Variants in ARHGEF7 observed in about 807,000 individuals in gnomAD.
ARHGEF7 encodes the protein PAK-interacting exchange factor beta.
ARHGEF7 carries 33 observed loss-of-function variants against 109.8 expected under a neutral mutation model. That is an observed-to-expected ratio of 0.30 (90% CI 0.23 to 0.40). ARHGEF7 has a LOEUF of 0.40. ARHGEF7 is among the 10% of genes least tolerant of loss of function. The probability of loss-of-function intolerance (pLI) is 1.00; values close to 1 mark genes in which losing one functional copy is unlikely to be tolerated. For missense variants in ARHGEF7, 938 were observed against 1,098.5 expected (o/e 0.85, Z 2.07); for synonymous variants, 458 against 424.6 (o/e 1.08, Z -0.97).
intron 2 of ARHGEF7, among the ~76,000 whole-genome samples, chr13:111,160,558 G>A (rs1399243972): frequency 6.6e-6 from 1 of 152,096 alleles, no homozygotes; most frequent in African/African-American, 2.4e-5. Context: ...AGAGACCTAG[G>A]GAGAGACCCA....
intron 1 of ARHGEF7, among the ~76,000 whole-genome samples, chr13:111,139,974 A>T (rs1026827831): frequency 6.6e-6 from 1 of 152,240 alleles, no homozygotes; most frequent in African/African-American, 2.4e-5. Context: ...TACAGTGATC[A>T]TATTTCCAGG....
At chr13:111,150,167 T>G (rs112610947) in intron 1 of ARHGEF7, among the ~76,000 whole-genome samples, 54 of 152,386 alleles carry the variant, frequency 3.5e-4, no homozygotes, top group African/African-American at 1.2e-3. Context: ...CCTGGCTTTT[T>G]GCCTCAAATC....
intron 1 of ARHGEF7, among the ~76,000 whole-genome samples, chr13:111,142,472 G>A (rs1406268562): frequency 2.2e-5 from 1 of 45,994 alleles, no homozygotes; most frequent in African/African-American, 8.2e-5. Context: ...TGGCCCTATT[G>A]ATTTCAGCCC....
intron 8 of ARHGEF7, among the ~76,000 whole-genome samples, chr13:111,252,948 C>T (rs1285480938): frequency 6.6e-6 from 1 of 152,272 alleles, no homozygotes; most frequent in Non-Finnish European, 1.5e-5. Context: ...CTTCTCACCC[C>T]ACCCTCTGCT....
rs141053985 is a variant in ARHGEF7, at chr13:111,196,897, C to T, written c.253-8392C>T. ...ATAGTATTGTAATTTATACTTCCCT[C>T]AGGTGGCCATTTTTACCCATCAGAG... On this transcript the variant is annotated intron_variant, in intron 2 of 21. Transcript: ENST00000646102. Among the ~76,000 whole-genome samples, 600 of 152,270 alleles carry T rather than the reference C, an allele frequency of 3.9e-3. 1 individual carries two copies. Among genetic ancestry groups the T allele is most frequent in the African/African-American group, 0.014 (570 of 41,544 alleles).
At chr13:111,293,081 G>A (rs529315195) in intron 19 of ARHGEF7, 1 of 985,434 alleles carries the variant, frequency 1.0e-6, no homozygotes, top group African/African-American at 1.7e-5. Flanking sequence ...AGTGATTTCT[G>A]TTATAAGGCA....
chr13:111,279,003 C>T (rs1380332845), intron 13 of ARHGEF7, among the ~76,000 whole-genome samples: 1 of 152,266 alleles, frequency 6.6e-6, no homozygotes, highest in South Asian at 2.1e-4. Context: ...CATTGGTATC[C>T]GTTTCTACCA....
intron 2 of ARHGEF7, among the ~76,000 whole-genome samples, chr13:111,179,543 T>C (rs1166689058): frequency 6.6e-6 from 1 of 152,244 alleles, no homozygotes; most frequent in Admixed American, 6.5e-5. Context: ...TAACGTTGTG[T>C]TGCCGTATGC....
intron 16 of ARHGEF7, among the ~76,000 whole-genome samples, chr13:111,285,857 C>T (rs1003281074): frequency 6.6e-6 from 1 of 151,986 alleles, no homozygotes; most frequent in East Asian, 1.9e-4. Context: ...CAGCCTGCCT[C>T]CTGGTGACAC....
intron 8 of ARHGEF7, among the ~76,000 whole-genome samples, chr13:111,254,065 G>GT (rs760961166): frequency 1.1e-4 from 17 of 152,202 alleles, no homozygotes; most frequent in Non-Finnish European, 2.1e-4. Flanking sequence ...TTGAACCATT[G>GT]TGGTGCTGGT....
At position 111,304,941 on chromosome 13, in the gene ARHGEF7, T is replaced by C. The variant is rs1028699679; in HGVS notation, c.*1828T>C. The C allele has an allele frequency of 2.0e-5, 3 of 152,266 alleles. No individual in the cohort carries two copies. Among genetic ancestry groups the C allele is most frequent in the African/African-American group, 7.2e-5 (3 of 41,460 alleles). 9.4% of individuals were successfully genotyped at this position (152,266 alleles called of 1,614,324 possible). ...TGGGAAACCATTCAACTTGAGTTTATTGGAGTTTGCTGTTGTAGCAGGTTT... is the reference window on the plus strand; with the variant it reads ...TGGGAAACCATTCAACTTGAGTTTACTGGAGTTTGCTGTTGTAGCAGGTTT... On this transcript the variant is annotated 3_prime_UTR_variant, in exon 22 of 22. Coordinates refer to ENST00000646102, the MANE Select transcript of ARHGEF7 (RefSeq NM_001354046.2).
At chr13:111,225,171 C>A (rs769850541) in intron 5 of ARHGEF7, among the ~76,000 whole-genome samples, 1 of 152,176 alleles carries the variant, frequency 6.6e-6, no homozygotes, top group Admixed American at 6.5e-5. Context: ...TTCAGGAGCA[C>A]GTCCCATAGA....
In ARHGEF7 at chr13:111,258,425, T is replaced by C. The variant is rs149729384; in HGVS notation, c.951-9123T>C. On this transcript the variant is annotated intron_variant, in intron 8 of 21. Coordinates refer to ENST00000646102, the MANE Select transcript of ARHGEF7 (RefSeq NM_001354046.2). This position sits in a 1 kb window ranked among gnomAD's most constrained non-coding sequence, Gnocchi z 4.4. ...GGATACCAGCTCAGCCACAGCAGGATAGAGCATCAGGCAGAACCCTGAGGC... is the reference window on the plus strand; with the variant it reads ...GGATACCAGCTCAGCCACAGCAGGACAGAGCATCAGGCAGAACCCTGAGGC... 6.1e-4 allele frequency among the ~76,000 whole-genome samples: 93 copies of C among 152,350 alleles called. No individual in the cohort carries two copies. The highest frequency in any genetic ancestry group is 5.2e-3 in the East Asian group (27 of 5,176).
chr13:111,299,443 C>T (rs1381120515), intron 19 of ARHGEF7, among the ~76,000 whole-genome samples: 2 of 149,810 alleles, frequency 1.3e-5, no homozygotes, highest in Non-Finnish European at 3.0e-5. Flanking sequence ...CCAGGCTTCA[C>T]ACCATTCTCC....
intron 19 of ARHGEF7, 89 bp from the exon 20 acceptor site, chr13:111,300,659 T>A (rs1199054064): frequency 1.2e-6 from 1 of 864,550 alleles, no homozygotes; most frequent in Non-Finnish European, 1.8e-6. Context: ...GAACTTAATA[T>A]TTAAGTGACA....
chr13:111,153,580 G>C (rs1411527116), intron 1 of ARHGEF7: 2 of 1,082,820 alleles, frequency 1.8e-6, no homozygotes, highest in Admixed American at 5.6e-5. Context: ...GCGTCCGCGG[G>C]GGCGAACACC....
intron 8 of ARHGEF7, among the ~76,000 whole-genome samples, chr13:111,250,679 A>G (rs778343926): frequency 6.6e-6 from 1 of 152,194 alleles, no homozygotes; most frequent in African/African-American, 2.4e-5. Context: ...CCCAGCTGCA[A>G]ATGGGGTGCC....
chr13:111,252,807 G>A (rs1177875911), intron 8 of ARHGEF7, among the ~76,000 whole-genome samples: 1 of 152,224 alleles, frequency 6.6e-6, no homozygotes, highest in Non-Finnish European at 1.5e-5. Context: ...TTACACAACT[G>A]GTAACTGGGG....
chr13:111,122,411 T>C (rs550545500), intron 1 of ARHGEF7, among the ~76,000 whole-genome samples: 8 of 152,300 alleles, frequency 5.3e-5, no homozygotes, highest in African/African-American at 1.9e-4. Context: ...CTCCCTCCTT[T>C]ATCAGTTCTG....
Sources: allele counts gnomAD v4.1 joint callset (sites outside exome capture counted in the v4.1 genomes callset), GRCh38; gene constraint gnomAD v4.1.1; non-coding constraint Gnocchi (gnomAD v3.1); transcripts MANE v1.5; gene names NCBI Gene and HGNC (gene_info 2026-07-23, HGNC 2026-07-21).